The following UPP2 variants were observed in gnomAD, a reference collection of about 807,000 sequenced individuals.
The protein encoded by UPP2 is UPase 2.
Under a neutral mutation model 26.7 loss-of-function variants are expected in UPP2, and 23 were observed. That is an observed-to-expected ratio of 0.86 (90% confidence interval 0.62 to 1.22). The LOEUF is 1.22. UPP2 is among the 50% of genes most tolerant of loss of function. The pLI is 0.00. For synonymous variants in UPP2, 127 were observed against 141.3 expected, an observed-to-expected ratio of 0.90 and a Z score of 0.72; for missense variants, 387 against 396.7, an observed-to-expected ratio of 0.98 and a Z score of 0.21.
rs559635181 is a variant in UPP2 at position 158,106,085 on chromosome 2, A to AT, written c.63-5dup. The AT allele has an allele frequency of 3.2e-4, 486 of 1,524,774 alleles. No homozygotes were observed. Among genetic ancestry groups the AT allele is most frequent in the Admixed American group, 8.1e-4 (39 of 48,130 alleles). The allele number at this position is 1,524,774 out of a possible 1,614,324, so 94.5% of individuals were successfully genotyped here. On this transcript the variant is annotated splice_polypyrimidine_tract_variant and intron_variant, in intron 1 of 6. Transcript: ENST00000005756. Reference sequence around the variant, plus strand: ...AATTCTTTTATATCTTCTTTGTATAATTTTTTTTTCCAGAAAAAGGTTTGT... The same window carrying AT: ...AATTCTTTTATATCTTCTTTGTATAATTTTTTTTTTCCAGAAAAAGGTTTGT...
At chr2:158,025,811 G>A (rs1009334248) in intron 3 of UPP2, among the ~76,000 whole-genome samples, 6 of 152,172 alleles carry the variant, frequency 3.9e-5, no homozygotes, top group Admixed American at 6.5e-5. Flanking sequence ...ATCCTCTGAC[G>A]CATCTGAATT....
At chr2:158,023,232 G>GC (rs1553463658) in intron 3 of UPP2, among the ~76,000 whole-genome samples, 14 of 147,138 alleles carry the variant, frequency 9.5e-5, no homozygotes, top group African/African-American at 2.9e-4. Flanking sequence ...CTGTCAGTTG[G>GC]GGGGGGGCAT....
chr2:158,037,024 A>G (rs7602627), intron 3 of UPP2, among the ~76,000 whole-genome samples: 64,005 of 151,958 alleles, frequency 0.42, 14,284 homozygotes, highest in East Asian at 0.87. Context: ...GGAATCTCAG[A>G]TTCATTCCTA....
chr2:158,032,775 A>C (rs1683942669), intron 3 of UPP2, among the ~76,000 whole-genome samples: 1 of 152,188 alleles, frequency 6.6e-6, no homozygotes, highest in Admixed American at 6.5e-5. Context: ...CATGAGTTCC[A>C]GGTTATTGAA....
chr2:158,055,804 GT>G (rs148926956), intron 3 of UPP2, among the ~76,000 whole-genome samples: 16,731 of 152,210 alleles, frequency 0.11, 2,856 homozygotes, highest in African/African-American at 0.37. Flanking sequence ...CGGAGATTGT[GT>G]TGTCCTCACA....
chr2:158,093,184 G>A (rs574409362), intron 3 of UPP2, among the ~76,000 whole-genome samples: 2 of 152,064 alleles, frequency 1.3e-5, no homozygotes, highest in Admixed American at 6.5e-5. Flanking sequence ...GCCTCCCAAA[G>A]TGCTGGGATT....
At chr2:158,086,933 C>T (rs568509169) in intron 3 of UPP2, among the ~76,000 whole-genome samples, 83 of 152,058 alleles carry the variant, frequency 5.5e-4, no homozygotes, top group African/African-American at 1.2e-3. Flanking sequence ...TTAAAGAATG[C>T]GCCATGTGCT....
chr2:158,083,269 C>T (rs756032948), intron 3 of UPP2, among the ~76,000 whole-genome samples: 42 of 152,186 alleles, frequency 2.8e-4, no homozygotes, highest in Non-Finnish European at 3.1e-4. Context: ...ATGTTTATTG[C>T]GGCACTGTTC....
intron 6 of UPP2, among the ~76,000 whole-genome samples, chr2:158,132,379 C>T (rs1176480822): frequency 6.6e-6 from 1 of 152,188 alleles, no homozygotes. Flanking sequence ...CTTCTCTCAT[C>T]AGTTTAGGAA....
At chr2:158,132,981 A>G (rs1683855444) in intron 6 of UPP2, among the ~76,000 whole-genome samples, 1 of 152,198 alleles carries the variant, frequency 6.6e-6, no homozygotes, top group Non-Finnish European at 1.5e-5. Context: ...TCAAAAAACT[A>G]AGAATTCCCA....
At chr2:158,065,837 T>C in intron 3 of UPP2, 2 of 681,716 alleles carry the variant, frequency 2.9e-6, no homozygotes, top group South Asian at 1.5e-5. Context: ...AACCTCATTG[T>C]TGTACTGCTG....
At chr2:158,108,934 T>TGTGTGTGTGTGTG in intron 2 of UPP2, among the ~76,000 whole-genome samples, 1 of 80,578 alleles carries the variant, frequency 1.2e-5, no homozygotes, top group Non-Finnish European at 2.7e-5. Flanking sequence ...GTGTGTGTGT[T>TGTGTGTGTGTGTG]TGTAAATTGA....
intron 2 of UPP2, among the ~76,000 whole-genome samples, chr2:158,012,786 C>A (rs1683601358): frequency 6.6e-6 from 1 of 152,054 alleles, no homozygotes; most frequent in African/African-American, 2.4e-5. Context: ...GAGATGGTAA[C>A]TATTTTGTTG....
intron 5 of UPP2, among the ~76,000 whole-genome samples, chr2:158,123,449 C>T (rs568802358): frequency 5.8e-4 from 89 of 152,308 alleles, no homozygotes; most frequent in Non-Finnish European, 8.5e-4. Context: ...AGCAACCCCC[C>T]GCTTCCTGAT....
At chr2:158,000,326 C>G (rs550659103) in intron 2 of UPP2, among the ~76,000 whole-genome samples, 1 of 152,254 alleles carries the variant, frequency 6.6e-6, no homozygotes, top group Non-Finnish European at 1.5e-5. Context: ...TGCAAGGCAG[C>G]CTTAATCTAC....
At chr2:158,087,749 G>A (rs1682839618) in intron 3 of UPP2, among the ~76,000 whole-genome samples, 1 of 152,094 alleles carries the variant, frequency 6.6e-6, no homozygotes, top group African/African-American at 2.4e-5. Context: ...CTTCATTTAT[G>A]AAGTTTAGTT....
chr2:158,134,440 G>C (rs1209849163), intron 6 of UPP2, among the ~76,000 whole-genome samples: 1 of 152,218 alleles, frequency 6.6e-6, no homozygotes, highest in African/African-American at 2.4e-5. Context: ...GCATATCTCA[G>C]ATTGCAAAGC....
chr2:158,036,194 A>C (rs1299216101), intron 3 of UPP2, among the ~76,000 whole-genome samples: 1 of 152,232 alleles, frequency 6.6e-6, no homozygotes, highest in Admixed American at 6.5e-5. Context: ...ATGCTTGCTG[A>C]GTTTCTTAAG....
intron 3 of UPP2, among the ~76,000 whole-genome samples, chr2:158,085,457 T>C (rs1392477349): frequency 2.0e-5 from 3 of 152,152 alleles, no homozygotes; most frequent in Non-Finnish European, 4.4e-5. Context: ...ACAGTGACAG[T>C]TTGACTTCCT....
Sources: gnomAD v4.1 joint callset for allele counts (sites outside exome capture counted in the v4.1 genomes callset) on GRCh38, gnomAD v4.1.1 for gene constraint, MANE v1.5 for transcripts, NCBI Gene and HGNC (gene_info 2026-07-23, HGNC 2026-07-21) for gene names.